RNF220: variants seen among roughly 807,000 people sequenced by gnomAD.
The protein encoded by RNF220 is ring finger protein 220.
RNF220 carries 7 observed loss-of-function variants against 67.1 expected under a neutral mutation model. The ratio of observed to expected loss-of-function variants is 0.10; its 90% CI spans 0.06 to 0.20. The LOEUF (loss-of-function observed/expected upper bound fraction) is 0.20, where lower values mean the gene tolerates loss of function less well. RNF220 is among the 10% of genes least tolerant of loss of function. RNF220 has a pLI of 1.00. For synonymous variants in RNF220, 270 were observed against 283.2 expected (o/e 0.95, Z 0.47); for missense variants, 565 against 740.3 (o/e 0.76, Z 2.75).
At position 44,614,175 on chromosome 1, in the gene RNF220, A is replaced by G. The variant is rs1295736272; in HGVS notation, c.636A>G (p.Lys212=). The change falls in exon 3 of 15, where the codon AAA becomes AAG. Residue 212 remains lysine, a synonymous_variant. Transcript: ENST00000361799. ...TTCTCCCCTCACTAGGTAAGAAGAAAGCAGCGGCATTGTTCGACAGCCAGG... is the reference window on the plus strand; with the variant it reads ...TTCTCCCCTCACTAGGTAAGAAGAAGGCAGCGGCATTGTTCGACAGCCAGG... ...PEDRNDRCKK[K]AAALFDSQAP... The G allele has an allele frequency of 6.2e-7, 1 of 1,614,084 alleles. No individual in the cohort carries two copies. Among genetic ancestry groups the G allele is most frequent in the African/African-American group, 1.3e-5 (1 of 74,950 alleles).
chr1:44,520,385 G>A (rs1292933435), intron 2 of RNF220, among the ~76,000 whole-genome samples: 2 of 152,162 alleles, frequency 1.3e-5, no homozygotes, highest in Non-Finnish European at 2.9e-5. Context: ...AGAATGGCAT[G>A]AACAGGGGAC....
At position 44,626,280 on chromosome 1, in the gene RNF220, CT is replaced by C. The variant is rs766915388; in HGVS notation, c.805-11del. On this transcript the variant is annotated splice_polypyrimidine_tract_variant and intron_variant, in intron 4 of 14. Coordinates refer to ENST00000361799, the MANE Select transcript of RNF220 (RefSeq NM_018150.4). Reference sequence around the variant, plus strand: ...TCTCATTTGGCCTGAGGCCACATGTCTTTTTTCTTCTTCCAGTCCCTCCTGT... The same window carrying C: ...TCTCATTTGGCCTGAGGCCACATGTCTTTTTCTTCTTCCAGTCCCTCCTGT... 4.8e-5 allele frequency: 77 copies of C among 1,607,588 alleles called. No individual in the cohort carries two copies. Among genetic ancestry groups the C allele is most frequent in the Admixed American group, 1.7e-4 (10 of 59,972 alleles).
intron 2 of RNF220, among the ~76,000 whole-genome samples, chr1:44,578,260 G>A (rs1157178521): frequency 2.7e-5 from 4 of 145,970 alleles, no homozygotes; most frequent in Middle Eastern, 3.7e-3. Context: ...GCAGTTCTCT[G>A]ACCTCAGCCT....
chr1:44,523,022 C>A (rs272532), intron 2 of RNF220, among the ~76,000 whole-genome samples: 25,415 of 152,170 alleles, frequency 0.17, 2,719 homozygotes, highest in Middle Eastern at 0.28. Context: ...AGAAGGAAGG[C>A]GAGAGATGGG....
At chr1:44,611,779 A>T (rs1455602639) in intron 2 of RNF220, among the ~76,000 whole-genome samples, 1 of 152,060 alleles carries the variant, frequency 6.6e-6, no homozygotes, top group Non-Finnish European at 1.5e-5. Flanking sequence ...CATTATATTT[A>T]TCTCTGAGCT....
chr1:44,481,540 G>A (rs1655810457), intron 2 of RNF220, among the ~76,000 whole-genome samples: 1 of 152,172 alleles, frequency 6.6e-6, no homozygotes, highest in South Asian at 2.1e-4. Flanking sequence ...CCTGTTGGGA[G>A]CTGGAGGTTG....
chr1:44,558,714 G>A (rs1034000575), intron 2 of RNF220, among the ~76,000 whole-genome samples: 1 of 152,130 alleles, frequency 6.6e-6, no homozygotes, highest in African/African-American at 2.4e-5. Context: ...TTCAGACCTA[G>A]GTGTGTCTTA....
chr1:44,650,815 C>T lies in RNF220; in HGVS notation c.*40C>T. ...GCAGGCCTCGCCTCCAGCAGCCCCA[C>T]CTGCCCCCAGCCTCTGTGACAGTGA... On this transcript the variant is annotated 3_prime_UTR_variant, in exon 15 of 15. Coordinates refer to ENST00000361799, the MANE Select transcript of RNF220 (RefSeq NM_018150.4). The surrounding 1 kb of genome is among the most constrained non-coding windows in gnomAD (Gnocchi z 4.3). The T allele has an allele frequency of 6.3e-7, 1 of 1,582,168 alleles. No homozygotes were observed. The highest frequency in any genetic ancestry group is 8.7e-7 in the Non-Finnish European group (1 of 1,154,146).
chr1:44,551,558 G>C (rs1662639806), intron 2 of RNF220, among the ~76,000 whole-genome samples: 1 of 152,106 alleles, frequency 6.6e-6, no homozygotes, highest in Non-Finnish European at 1.5e-5. Context: ...CGTATTGATA[G>C]ACTGCTTTCT....
At chr1:44,455,383 A>G (rs969358357) in intron 2 of RNF220, among the ~76,000 whole-genome samples, 3 of 152,198 alleles carry the variant, frequency 2.0e-5, no homozygotes, top group Admixed American at 2.0e-4. Context: ...AGGGGAAGAA[A>G]AGAAATGAAA....
chr1:44,567,387 G>T (rs35789261), intron 2 of RNF220, among the ~76,000 whole-genome samples: 10,972 of 152,168 alleles, frequency 0.072, 411 homozygotes, highest in Non-Finnish European at 0.087. Flanking sequence ...ACAAGAGTTG[G>T]CCACATAGCC....
At chr1:44,539,453 A>G (rs1661506915) in intron 2 of RNF220, among the ~76,000 whole-genome samples, 1 of 152,180 alleles carries the variant, frequency 6.6e-6, no homozygotes, top group Non-Finnish European at 1.5e-5. Context: ...GAGCCACTCT[A>G]CGTGCCATGC....
chr1:44,433,003 C>T (rs1650568961), intron 2 of RNF220, among the ~76,000 whole-genome samples: 1 of 151,202 alleles, frequency 6.6e-6, no homozygotes, highest in Non-Finnish European at 1.5e-5. Context: ...GATCTCGGCT[C>T]ACTACAACCT....
chr1:44,591,457 C>G (rs1305724639), intron 2 of RNF220, among the ~76,000 whole-genome samples: 1 of 152,210 alleles, frequency 6.6e-6, no homozygotes, highest in Non-Finnish European at 1.5e-5. Context: ...ACTTAGGTAT[C>G]TTGCTTGACT....
At chr1:44,476,106 A>G (rs914776553) in intron 2 of RNF220, among the ~76,000 whole-genome samples, 2 of 152,154 alleles carry the variant, frequency 1.3e-5, no homozygotes, top group African/African-American at 4.8e-5. Flanking sequence ...TAAGCAATAT[A>G]TTGCTTAAGA....
chr1:44,562,062 G>C (rs1356846734), intron 2 of RNF220, among the ~76,000 whole-genome samples: 1 of 152,160 alleles, frequency 6.6e-6, no homozygotes, highest in East Asian at 1.9e-4. Flanking sequence ...TGCAGGGTCA[G>C]TGAAGGGAAA....
chr1:44,618,811 ACAGTGG>A (rs1289837316), intron 3 of RNF220, among the ~76,000 whole-genome samples: 2 of 152,140 alleles, frequency 1.3e-5, no homozygotes, highest in Non-Finnish European at 1.5e-5. Context: ...CCGACCCAGG[ACAGTGG>A]CAGTGGCAGT....
chr1:44,647,604 C>G (rs1644688291), intron 12 of RNF220, among the ~76,000 whole-genome samples: 1 of 152,158 alleles, frequency 6.6e-6, no homozygotes. Context: ...GTCCCTGATA[C>G]AAGGACACAG....
At chr1:44,501,123 G>A (rs1463726196) in intron 2 of RNF220, among the ~76,000 whole-genome samples, 6 of 150,056 alleles carry the variant, frequency 4.0e-5, no homozygotes, top group Admixed American at 1.3e-4. Context: ...CCACCAGCCC[G>A]AGTGACACAG....
Sources: allele counts gnomAD v4.1 joint callset (sites outside exome capture counted in the v4.1 genomes callset), GRCh38; gene constraint gnomAD v4.1.1; non-coding constraint Gnocchi (gnomAD v3.1); transcripts MANE v1.5; gene names NCBI Gene and HGNC (gene_info 2026-07-23, HGNC 2026-07-21).